Variants in CPNE4 observed in about 807,000 individuals in gnomAD.
CPNE4 encodes the protein copine-4.
CPNE4 carries 25 observed loss-of-function variants against 67.9 expected under a neutral mutation model. That is an observed-to-expected ratio of 0.37 (90% CI 0.27 to 0.51). CPNE4 has a LOEUF of 0.51. Among genes scored for constraint, CPNE4 ranks in the 20% least tolerant of loss-of-function variants. CPNE4 has a pLI of 0.93. For missense variants in CPNE4, 464 were observed against 690.8 expected, an observed-to-expected ratio of 0.67 and a Z score of 3.68; for synonymous variants, 242 against 244.9, an observed-to-expected ratio of 0.99 and a Z score of 0.11.
intron 2 of CPNE4, among the ~76,000 whole-genome samples, chr3:131,750,475 T>G (rs1033925954): frequency 3.3e-5 from 5 of 152,200 alleles, no homozygotes; most frequent in Non-Finnish European, 7.3e-5. Context: ...TGAGTATTAT[T>G]TTTAGTGGTT....
intron 11 of CPNE4, among the ~76,000 whole-genome samples, chr3:131,558,944 G>A (rs1392908062): frequency 4.6e-5 from 7 of 151,878 alleles, no homozygotes; most frequent in Admixed American, 2.6e-4. Flanking sequence ...TGCCTGTGAT[G>A]GAGAGACCTG....
intron 1 of CPNE4, among the ~76,000 whole-genome samples, chr3:131,949,709 C>G (rs1042432086): frequency 6.6e-6 from 1 of 152,130 alleles, no homozygotes. Context: ...GAAGCATTCC[C>G]TGACCATCCT....
chr3:132,011,718 G>A (rs1560783413), intron 1 of CPNE4, among the ~76,000 whole-genome samples: 1 of 152,224 alleles, frequency 6.6e-6, no homozygotes, highest in Admixed American at 6.5e-5. Context: ...AATACTGCAT[G>A]TGACTTCTGT....
intron 7 of CPNE4, among the ~76,000 whole-genome samples, chr3:131,665,423 C>G (rs2080232715): frequency 6.6e-6 from 1 of 152,046 alleles, no homozygotes. Context: ...CTTTGGGAGA[C>G]CATGGTGGGC....
chr3:132,039,233 G>A (rs1320903), upstream of CPNE4, among the ~76,000 whole-genome samples: 46,065 of 151,984 alleles, frequency 0.3, 7,152 homozygotes, highest in African/African-American at 0.33. Context: ...AAGAGAAGGA[G>A]ATACTGAATC....
intron 2 of CPNE4, among the ~76,000 whole-genome samples, chr3:131,748,761 G>A (rs1410540219): frequency 1.3e-5 from 2 of 151,962 alleles, no homozygotes; most frequent in Non-Finnish European, 2.9e-5. Context: ...AAAATTGTTT[G>A]TATTATTATC....
At chr3:131,567,209 C>T (rs1009818334) in intron 10 of CPNE4, among the ~76,000 whole-genome samples, 23 of 151,718 alleles carry the variant, frequency 1.5e-4, no homozygotes, top group African/African-American at 4.8e-4. Flanking sequence ...GTTATATAGG[C>T]CAGAGGAAAA....
chr3:131,825,493 CAA>C (rs371197777), intron 2 of CPNE4, among the ~76,000 whole-genome samples: 30 of 114,304 alleles, frequency 2.6e-4, no homozygotes, highest in Non-Finnish European at 2.7e-4. Flanking sequence ...GAGACTCCGT[CAA>C]AAAAAAAAAA....
At chr3:131,650,159 C>T (rs1415379888) in intron 7 of CPNE4, among the ~76,000 whole-genome samples, 2 of 152,200 alleles carry the variant, frequency 1.3e-5, no homozygotes, top group Admixed American at 6.5e-5. Flanking sequence ...ACTAGTATAA[C>T]TGCCCTTTAA....
chr3:131,980,723 G>A (rs374400951), intron 1 of CPNE4, among the ~76,000 whole-genome samples: 3 of 152,162 alleles, frequency 2.0e-5, no homozygotes, highest in East Asian at 3.9e-4. Context: ...TCTTGGTTTG[G>A]TTCCATTGCT....
At chr3:131,732,755 C>T (rs948608660) in intron 2 of CPNE4, among the ~76,000 whole-genome samples, 3 of 152,192 alleles carry the variant, frequency 2.0e-5, no homozygotes, top group Non-Finnish European at 4.4e-5. Flanking sequence ...TTGATTGATT[C>T]CTTAATGCTC....
chr3:131,974,733 C>T (rs539455014), intron 1 of CPNE4, among the ~76,000 whole-genome samples: 37 of 152,304 alleles, frequency 2.4e-4, no homozygotes, highest in African/African-American at 7.5e-4. Context: ...ATGGGCTGGG[C>T]CCAGTGGCTC....
At chr3:131,993,659 G>A (rs2073226553) in intron 1 of CPNE4, among the ~76,000 whole-genome samples, 1 of 134,308 alleles carries the variant, frequency 7.4e-6, no homozygotes, top group African/African-American at 2.5e-5. Context: ...ATTCTCTTTT[G>A]CACCATTGTA....
intron 7 of CPNE4, among the ~76,000 whole-genome samples, chr3:131,593,348 G>T (rs1250772308): frequency 6.6e-6 from 1 of 152,050 alleles, no homozygotes; most frequent in African/African-American, 2.4e-5. Flanking sequence ...TCAGTATTTT[G>T]TAGTTTTCAG....
At chr3:131,538,334 G>T (rs1250964139) in intron 15 of CPNE4, among the ~76,000 whole-genome samples, 2 of 152,172 alleles carry the variant, frequency 1.3e-5, no homozygotes, top group Admixed American at 1.3e-4. Flanking sequence ...AGCTACATGT[G>T]GTTAGTGGCT....
rs115498897 is a variant in CPNE4 at position 131,656,132 on chromosome 3, C to G, written c.681+13543G>C. ...GCTTTTCTCTGTTGGCTGCTTTATCCTCCAGACTCTTCCCTTCCCTTCCTT... is the reference window on the plus strand; with the variant it reads ...GCTTTTCTCTGTTGGCTGCTTTATCGTCCAGACTCTTCCCTTCCCTTCCTT... On this transcript the variant is annotated intron_variant, in intron 7 of 15. Coordinates refer to ENST00000429747, the MANE Select transcript of CPNE4 (RefSeq NM_130808.3). 1.0e-3 allele frequency among the ~76,000 whole-genome samples: 153 copies of G among 150,956 alleles called. 1 individual carries two copies. Among genetic ancestry groups the G allele is most frequent in the African/African-American group, 3.6e-3 (146 of 40,948 alleles).
chr3:131,919,186 T>C (rs547281674), intron 1 of CPNE4, among the ~76,000 whole-genome samples: 24 of 152,292 alleles, frequency 1.6e-4, no homozygotes, highest in African/African-American at 5.3e-4. Flanking sequence ...ATGCTAGCAC[T>C]AAGTGAATAG....
At chr3:131,551,471 TG>T (rs967389906) in intron 13 of CPNE4, among the ~76,000 whole-genome samples, 12 of 152,002 alleles carry the variant, frequency 7.9e-5, no homozygotes, top group Non-Finnish European at 1.6e-4. Flanking sequence ...CATTCTGCTG[TG>T]GGGGAAACCA....
At chr3:131,630,271 T>G (rs927285192) in intron 7 of CPNE4, among the ~76,000 whole-genome samples, 22 of 152,202 alleles carry the variant, frequency 1.4e-4, no homozygotes, top group African/African-American at 5.1e-4. Flanking sequence ...TACAAGTAAC[T>G]TATTTTACTT....
Sources: gnomAD v4.1 joint callset for allele counts (sites outside exome capture counted in the v4.1 genomes callset) on GRCh38, gnomAD v4.1.1 for gene constraint, MANE v1.5 for transcripts, NCBI Gene and HGNC (gene_info 2026-07-23, HGNC 2026-07-21) for gene names.